SPMIP8: variants seen among roughly 807,000 people sequenced by gnomAD.
SPMIP8 encodes the protein sperm microtubule inner protein 8, also known as testicular tissue protein Li 196.
the SPMIP8 span, chr16:57,976,657 T>C: frequency 6.2e-7 from 1 of 1,611,396 alleles, no homozygotes. Flanking sequence ...CAGGGAGCCC[T>C]TGCTCTCTTC....
chr16:57,976,786 C>T, the SPMIP8 span: 1 of 870,150 alleles, frequency 1.1e-6, no homozygotes, highest in Admixed American at 2.7e-5. Context: ...GGTCCTCTCT[C>T]CTCCTGCCAC....
the SPMIP8 span, among the ~76,000 whole-genome samples, chr16:57,980,412 C>T: frequency 6.6e-6 from 1 of 152,196 alleles, no homozygotes; most frequent in African/African-American, 2.4e-5. Context: ...AAGTTCTTTT[C>T]AGGACGCGAA....
the SPMIP8 span, chr16:57,984,927 C>A: frequency 7.3e-7 from 1 of 1,361,464 alleles, no homozygotes; most frequent in Non-Finnish European, 9.8e-7. Flanking sequence ...AGGGCGGGGC[C>A]GCTGAGATGA....
chr16:57,985,190 G>A, the SPMIP8 span: 1 of 1,513,844 alleles, frequency 6.6e-7, no homozygotes, highest in African/African-American at 1.4e-5. Context: ...GCTCGAGAGG[G>A]GCTTTCTGTT....
At chr16:57,985,545 C>T in the SPMIP8 span, 8 of 1,595,460 alleles carry the variant, frequency 5.0e-6, no homozygotes, top group East Asian at 1.8e-4. Flanking sequence ...TTTCGACTCC[C>T]TGTAAGTGAC....
the SPMIP8 span, chr16:57,985,059 C>A: frequency 1.8e-6 from 2 of 1,113,148 alleles, no homozygotes; most frequent in Non-Finnish European, 2.5e-6. Context: ...CCTGGTGGGG[C>A]AGCGGAGGCG....
the SPMIP8 span, among the ~76,000 whole-genome samples, chr16:57,979,073 C>T: frequency 6.6e-6 from 1 of 152,220 alleles, no homozygotes; most frequent in South Asian, 2.1e-4. Flanking sequence ...GACGTGTGGG[C>T]CTTCAGGGCA....
the SPMIP8 span, chr16:57,985,653 G>A: frequency 6.9e-7 from 1 of 1,448,952 alleles, no homozygotes; most frequent in Non-Finnish European, 9.2e-7. Context: ...GTGAGAACTG[G>A]GAAAAATTGG....
the SPMIP8 span, chr16:57,985,118 C>T: frequency 7.5e-7 from 1 of 1,327,040 alleles, no homozygotes; most frequent in Non-Finnish European, 9.8e-7. Context: ...GTGGGCGGGG[C>T]TGGATTGTGG....
chr16:57,987,791 T>A, the SPMIP8 span: 1 of 227,488 alleles, frequency 4.4e-6, no homozygotes, highest in Non-Finnish European at 8.5e-6. Flanking sequence ...GCCCCTTGCC[T>A]GCAGCCCCAC....
the SPMIP8 span, among the ~76,000 whole-genome samples, chr16:57,977,581 GTGTGTA>G: frequency 1.5e-3 from 212 of 140,822 alleles, 1 homozygote; most frequent in African/African-American, 5.1e-3. Context: ...GTGTGTGTGT[GTGTGTA>G]TGTGTGTGTT....
chr16:57,983,162 G>A, the SPMIP8 span, among the ~76,000 whole-genome samples: 2 of 152,204 alleles, frequency 1.3e-5, no homozygotes, highest in Middle Eastern at 6.8e-3. Flanking sequence ...TGCCACCCAG[G>A]CTGGAGGGCA....
At chr16:57,985,103 G>A in the SPMIP8 span, 12 of 1,248,178 alleles carry the variant, frequency 9.6e-6, no homozygotes, top group African/African-American at 1.1e-4. Flanking sequence ...GGGTGGGGCT[G>A]GATTGTGGGC....
the SPMIP8 span, chr16:57,985,126 T>TGGGCG: frequency 2.4e-6 from 3 of 1,267,228 alleles, no homozygotes; most frequent in Non-Finnish European, 3.0e-6. Flanking sequence ...GGCTGGATTG[T>TGGGCG]GGGCGGGGCT....
At chr16:57,985,337 C>A in the SPMIP8 span, 3 of 1,484,032 alleles carry the variant, frequency 2.0e-6, no homozygotes, top group Admixed American at 2.1e-5. Flanking sequence ...CGGCTTAAGC[C>A]GGGGGTTGAG....
the SPMIP8 span, among the ~76,000 whole-genome samples, chr16:57,981,206 C>A: frequency 6.6e-6 from 1 of 151,504 alleles, no homozygotes; most frequent in African/African-American, 2.4e-5. Context: ...TATGGTAAAA[C>A]CCTGTCTCTA....
chr16:57,977,719 T>A, the SPMIP8 span: 2,016 of 1,344,068 alleles, frequency 1.5e-3, 1 homozygote, highest in Non-Finnish European at 2.0e-3. Context: ...GTTTGGCAAG[T>A]AGACATCGGC....
chr16:57,985,668 A>C, the SPMIP8 span: 2 of 1,358,120 alleles, frequency 1.5e-6, no homozygotes, highest in Admixed American at 2.7e-5. Context: ...AATTGGCTCC[A>C]ATACACCAGA....
the SPMIP8 span, chr16:57,985,885 C>G: frequency 4.4e-6 from 7 of 1,600,808 alleles, no homozygotes; most frequent in Admixed American, 1.1e-4. Context: ...CCATCTCGTG[C>G]TCACCCGCCC....
Sources: allele counts gnomAD v4.1 joint callset (sites outside exome capture counted in the v4.1 genomes callset), GRCh38; gene constraint gnomAD v4.1.1; transcripts MANE v1.5; gene names NCBI Gene and HGNC (gene_info 2026-07-23, HGNC 2026-07-21).